The following NEB variants were observed in gnomAD, a reference collection of about 807,000 sequenced individuals.
NEB encodes the protein nemaline myopathy type 2.
A neutral mutation model predicts 952.2 loss-of-function variants in NEB; 512 were observed. The observed-to-expected ratio is 0.54, with a 90% CI of 0.50 to 0.58. The LOEUF (loss-of-function observed/expected upper bound fraction) is 0.58, where lower values mean the gene tolerates loss of function less well. Ranked by LOEUF, NEB falls within the 20% of genes least tolerant of loss-of-function variation. The probability of loss-of-function intolerance (pLI) is 0.00; values close to 1 mark genes in which losing one functional copy is unlikely to be tolerated. For missense variants in NEB, 8,428 were observed against 9,231.1 expected (o/e 0.91, Z 3.56); for synonymous variants, 2,900 against 3,149.8 (o/e 0.92, Z 2.66).
In NEB at chr2:151,531,026, G is replaced by A; in HGVS notation, c.21598C>T (p.His7200Tyr). The A allele has an allele frequency of 2.5e-6, 4 of 1,613,426 alleles. No individual in the cohort carries two copies. Among genetic ancestry groups the A allele is most frequent in the Non-Finnish European group, 3.4e-6 (4 of 1,179,484 alleles). Reference protein sequence around the residue: ...TTIHDTPMLLHVRKVKDEVSD... With the variant: ...TTIHDTPMLLYVRKVKDEVSD... ...ACTTCATCTTTAACCTTGCGGACAT[G>A]CAGCAACATGGGTGTGTCGTGGATT... The change falls in exon 145 of 182, where the codon CAT (histidine) becomes TAT (tyrosine). Residue 7200 changes from histidine (H) to tyrosine (Y), a missense_variant. By Grantham distance (83) the His-to-Tyr change is moderately conservative. This residue lies in a region of NEB where 3,374 missense variants were observed against 3,651.5 expected (regional missense o/e 0.92). Transcript: ENST00000397345.
intron 16 of NEB, 121 bp downstream of exon 16, chr2:151,697,027 C>G: frequency 1.4e-6 from 1 of 725,502 alleles, no homozygotes; most frequent in South Asian, 2.0e-5. Context: ...ACAAAATAGA[C>G]TTCATTTCTT....
At chr2:151,678,254 A>G in intron 32 of NEB, 67 bp from the exon 33 acceptor site, 2 of 1,059,210 alleles carry the variant, frequency 1.9e-6, no homozygotes, top group South Asian at 1.8e-5. Context: ...CAATGAGGCC[A>G]TGATTTGAAG....
At chr2:151,558,393 A>G (rs1462726767) in intron 124 of NEB, among the ~76,000 whole-genome samples, 1 of 152,188 alleles carries the variant, frequency 6.6e-6, no homozygotes, top group Non-Finnish European at 1.5e-5. Flanking sequence ...AAAACATTCT[A>G]TGCTCATGGA....
intron 20 of NEB, among the ~76,000 whole-genome samples, chr2:151,692,826 C>T (rs4271765): frequency 0.68 from 102,585 of 151,872 alleles, 38,214 homozygotes; most frequent in Non-Finnish European, 0.83. Flanking sequence ...AAAAATTAGC[C>T]GGGCGTGATG....
At position 151,709,669 on chromosome 2, in the gene NEB, A is replaced by C. The variant is rs2099738431; in HGVS notation, c.1022T>G (p.Val341Gly). ...PEYKMNKKAG[V>G]AASKVKYKED... ...ATTTCCTCATACCTTGCTAGCTGCC[A>C]CACCAGCTTTTTTATTCATTTTATA... Residue 341 changes from valine (V) to glycine (G), a missense_variant, in exon 12 of 182, where the codon GTG becomes GGG. By Grantham distance (109) the Val-to-Gly change is moderately radical. This residue lies in a region of NEB where 2,851 missense variants were observed against 2,791.5 expected (regional missense o/e 1.02). Transcript: ENST00000397345. The C allele has an allele frequency of 6.3e-7, 1 of 1,594,588 alleles. No homozygotes were observed. The highest frequency in any genetic ancestry group is 8.6e-7 in the Non-Finnish European group (1 of 1,168,808).
intron 46 of NEB, among the ~76,000 whole-genome samples, chr2:151,660,878 G>C (rs2099139086): frequency 6.6e-6 from 1 of 152,176 alleles, no homozygotes; most frequent in Admixed American, 6.5e-5. Flanking sequence ...GTAGAACCTA[G>C]CCACATAGGC....
Position 151,491,664 on chromosome 2 carries a change from C to G in NEB, c.25150+19G>C. ...TAAATGGTGATGTTTATGTTGTAAG[C>G]CTTTTTCAGCTAACACACCATTAAT... On this transcript the variant is annotated intron_variant, in intron 179 of 181. Coordinates refer to ENST00000397345, the MANE Select transcript of NEB (RefSeq NM_001164508.2). 6.5e-7 allele frequency: 1 copy of G among 1,543,030 alleles called. No homozygotes were observed. The highest frequency in any genetic ancestry group is 8.8e-7 in the Non-Finnish European group (1 of 1,131,598).
intron 167 of NEB, 141 bp from the exon 168 acceptor site, chr2:151,501,624 T>TAAC (rs1224808659): frequency 1.1e-5 from 5 of 475,016 alleles, no homozygotes; most frequent in Non-Finnish European, 1.5e-5. Context: ...AAAATAGAGT[T>TAAC]AACTATAGAT....
chr2:151,615,927 G>T, intron 76 of NEB, 75 bp downstream of exon 76: 2 of 1,135,090 alleles, frequency 1.8e-6, no homozygotes, highest in Non-Finnish European at 2.5e-6. Flanking sequence ...TAAATTTCTA[G>T]CAAGAAAAAC....
chr2:151,616,828 C>T (rs565862415), intron 75 of NEB, among the ~76,000 whole-genome samples: 1 of 152,246 alleles, frequency 6.6e-6, no homozygotes, highest in African/African-American at 2.4e-5. Flanking sequence ...TTATGAAAAA[C>T]TCAATGCATT....
In NEB at chr2:151,633,883, C is replaced by G. The variant is rs1284007064; in HGVS notation, c.9185G>C (p.Trp3062Ser). 1 of 1,613,964 alleles carries G rather than the reference C, an allele frequency of 6.2e-7. No individual in the cohort carries two copies. The highest frequency in any genetic ancestry group is 1.7e-5 in the Admixed American group (1 of 60,022). ...RNIEDDPKMM[W>S]SMHVAKIQSD... Reference sequence around the variant, plus strand: ...CTGGATCTTGGCTACGTGCATGGACCACATCATCTTGGGGTCATCTTCAAT... The same window carrying G: ...CTGGATCTTGGCTACGTGCATGGACGACATCATCTTGGGGTCATCTTCAAT... The change falls in exon 65 of 182, where the codon TGG (tryptophan) becomes TCG (serine). Residue 3062 changes from tryptophan (W) to serine (S), a missense_variant. Physicochemically the swap from Trp to Ser is radical, Grantham distance 177. Transcript: ENST00000397345.
intron 63 of NEB, among the ~76,000 whole-genome samples, chr2:151,637,071 G>C (rs1289026853): frequency 6.6e-6 from 1 of 152,096 alleles, no homozygotes. Context: ...ACTGTGCGGG[G>C]TACTTGGGAA....
At chr2:151,707,572 T>C (rs2099714066) in intron 12 of NEB, among the ~76,000 whole-genome samples, 1 of 152,096 alleles carries the variant, frequency 6.6e-6, no homozygotes, top group African/African-American at 2.4e-5. Context: ...GCTGTTCCTA[T>C]TTGCACTTTT....
intron 154 of NEB, 29 bp from the exon 155 acceptor site, chr2:151,519,098 C>A (rs1174644790): frequency 1.4e-6 from 2 of 1,403,008 alleles, no homozygotes; most frequent in Non-Finnish European, 2.0e-6. Context: ...GAAAGGAAAT[C>A]ACGTAAATAG....
intron 146 of NEB, among the ~76,000 whole-genome samples, chr2:151,528,188 GGGCTGGA>G (rs1576356172): frequency 2.0e-5 from 3 of 152,186 alleles, no homozygotes; most frequent in East Asian, 3.8e-4. Flanking sequence ...AGACCCTTCA[GGGCTGGA>G]GAACTGGCTG....
Position 151,553,970 on chromosome 2 carries a change from T to G in NEB, c.19484A>C (p.Asp6495Ala). The G allele has an allele frequency of 1.9e-6, 3 of 1,613,914 alleles. No individual in the cohort carries two copies. Among genetic ancestry groups the G allele is most frequent in the Non-Finnish European group, 2.5e-6 (3 of 1,179,802 alleles). ...KNKMKIHIVP[D>A]MVEMVTAKDS... Reference sequence around the variant, plus strand: ...CTTGGCAGTAACCATCTCTACCATGTCGGGCACGATGTGGATTTTCATCTT... The same window carrying G: ...CTTGGCAGTAACCATCTCTACCATGGCGGGCACGATGTGGATTTTCATCTT... The change falls in exon 126 of 182, where the codon GAC (aspartate) becomes GCC (alanine). Residue 6495 changes from aspartate (D) to alanine (A), a missense_variant. Coordinates refer to ENST00000397345, the MANE Select transcript of NEB (RefSeq NM_001164508.2).
At chr2:151,496,509 C>T (rs1030219277) in intron 172 of NEB, 141 bp from the exon 173 acceptor site, 36 of 1,442,256 alleles carry the variant, frequency 2.5e-5, no homozygotes, top group Non-Finnish European at 3.3e-5. Context: ...CAAAATGCCA[C>T]CAGCTACTTT....
At chr2:151,537,731 A>C in intron 140 of NEB, 141 bp downstream of exon 140, 1 of 518,792 alleles carries the variant, frequency 1.9e-6, no homozygotes, top group South Asian at 4.7e-5. Context: ...TCACTTAGCA[A>C]TTGAGTTTTA....
At position 151,636,407 on chromosome 2, in the gene NEB, C is replaced by T. The variant is rs1273558483; in HGVS notation, c.8995-73G>A. 7.7e-6 allele frequency: 9 copies of T among 1,165,462 alleles called. No homozygotes were observed. In the Admixed American group the frequency reaches 1.0e-4, roughly 13 times the overall value. 72.2% of individuals were successfully genotyped at this position (1,165,462 alleles called of 1,614,324 possible). ...ACTGACAGAGGACTAAGACAATTCA[C>T]TAAGTTCTCCACAGACAGTGCCTAT... On this transcript the variant is annotated intron_variant, in intron 63 of 181. Coordinates refer to ENST00000397345, the MANE Select transcript of NEB (RefSeq NM_001164508.2).
Sources: allele counts gnomAD v4.1 joint callset (sites outside exome capture counted in the v4.1 genomes callset), GRCh38; gene constraint gnomAD v4.1.1; regional missense constraint gnomAD v4.1.1; transcripts MANE v1.5; gene names NCBI Gene and HGNC (gene_info 2026-07-23, HGNC 2026-07-21).